Variants in PDE7A observed in about 807,000 individuals in gnomAD.
PDE7A encodes the protein phosphodiesterase 7A, also known as high affinity 3',5'-cyclic-AMP phosphodiesterase 7A.
A neutral mutation model predicts 64.3 loss-of-function variants in PDE7A; 39 were observed. That is an observed-to-expected ratio of 0.61 (90% confidence interval 0.47 to 0.79). The LOEUF (loss-of-function observed/expected upper bound fraction) is 0.79, where lower values mean the gene tolerates loss of function less well. Among genes scored for constraint, PDE7A ranks in the 30% least tolerant of loss-of-function variants. The pLI, the probability that PDE7A is intolerant of heterozygous loss-of-function variation, is 0.00. For missense variants in PDE7A, 470 were observed against 582.8 expected, an observed-to-expected ratio of 0.81 and a Z score of 1.99; for synonymous variants, 203 against 206.8, an observed-to-expected ratio of 0.98 and a Z score of 0.16.
chr8:65,739,514 G>A lies in PDE7A; in HGVS notation c.583C>T (p.Arg195Cys), dbSNP rs372478977. The A allele has an allele frequency of 4.5e-6, 7 of 1,559,764 alleles. No individual in the cohort carries two copies. Among genetic ancestry groups the A allele is most frequent in the South Asian group, 3.8e-5 (3 of 79,682 alleles). The change falls in exon 6 of 13, where the codon CGT (arginine) becomes TGT (cysteine). Residue 195 changes from arginine to cysteine, a missense_variant. Coordinates refer to ENST00000401827, the MANE Select transcript of PDE7A (RefSeq NM_001242318.3). ...EYFHLDMMKL[R>C]RFLVMIQEDY... ...TAGAATCACTTACCTAAAAATCTAC[G>A]AAGTTTCATCATATCTAAATGGAAG...
chr8:65,817,226 T>G (rs1023605519), intron 1 of PDE7A, among the ~76,000 whole-genome samples: 1 of 152,196 alleles, frequency 6.6e-6, no homozygotes, highest in East Asian at 1.9e-4. Flanking sequence ...TGTTCCTATA[T>G]ATGCCTCCCT....
Position 65,715,922 on chromosome 8 carries a change from G to T in PDE7A, c.*3368C>A, listed in dbSNP as rs1250363858. On this transcript the variant is annotated 3_prime_UTR_variant, in exon 13 of 13. Coordinates refer to ENST00000401827, the MANE Select transcript of PDE7A (RefSeq NM_001242318.3). ...AGAATGAGGAGAATGGCGTGAACCCGGGAGGCGGAACTTGCAGTGAGCCAA... is the reference window on the plus strand; with the variant it reads ...AGAATGAGGAGAATGGCGTGAACCCTGGAGGCGGAACTTGCAGTGAGCCAA... 1.4e-5 allele frequency among the ~76,000 whole-genome samples: 2 copies of T among 146,906 alleles called. No homozygotes were observed. The highest frequency in any genetic ancestry group is 5.0e-5 in the African/African-American group (2 of 40,218).
At chr8:65,760,991 C>T (rs938344908) in intron 3 of PDE7A, among the ~76,000 whole-genome samples, 5 of 151,948 alleles carry the variant, frequency 3.3e-5, no homozygotes, top group East Asian at 3.9e-4. Context: ...TACTTTCATC[C>T]GAACAATTAC....
intron 7 of PDE7A, among the ~76,000 whole-genome samples, chr8:65,729,611 T>G (rs1451450344): frequency 6.6e-6 from 1 of 152,146 alleles, no homozygotes; most frequent in Non-Finnish European, 1.5e-5. Context: ...ATGCCCAGCC[T>G]GGAGTGCAGT....
intron 1 of PDE7A, among the ~76,000 whole-genome samples, chr8:65,829,248 A>G (rs1418566036): frequency 6.6e-6 from 1 of 152,156 alleles, no homozygotes; most frequent in African/African-American, 2.4e-5. Flanking sequence ...GGCAAGTAAG[A>G]TATGTCTTTC....
chr8:65,747,283 G>T (rs1394087337), intron 4 of PDE7A, among the ~76,000 whole-genome samples: 2 of 152,168 alleles, frequency 1.3e-5, no homozygotes, highest in Admixed American at 6.5e-5. Context: ...AGTCCCTCGT[G>T]CTCTCTTGGA....
At position 65,723,664 on chromosome 8, in the gene PDE7A, A is replaced by G. The variant is rs554780207; in HGVS notation, c.1163-43T>C. On this transcript the variant is annotated intron_variant, in intron 11 of 12. Coordinates refer to ENST00000401827, the MANE Select transcript of PDE7A (RefSeq NM_001242318.3). Reference sequence around the variant, plus strand: ...AGAAGTATTAATATGAAGAATATCTATTGGTTAAATATATAATTAAAGGCT... The same window carrying G: ...AGAAGTATTAATATGAAGAATATCTGTTGGTTAAATATATAATTAAAGGCT... 8.9e-6 allele frequency: 12 copies of G among 1,341,464 alleles called. No homozygotes were observed. The South Asian group carries it at 1.0e-4, about 12-fold the overall frequency. The allele number at this position is 1,341,464 out of a possible 1,614,324, so 83.1% of individuals were successfully genotyped here.
Position 65,745,391 on chromosome 8 carries a change from C to A in PDE7A, c.499+16G>T. On this transcript the variant is annotated intron_variant, in intron 5 of 12. Transcript: ENST00000401827. ...CTAGACTACATTAACTTGAGCAAGT[C>A]AAATTCTTCACTTACCATTTGTTAG... 6.9e-7 allele frequency: 1 copy of A among 1,452,230 alleles called. No homozygotes were observed. The highest frequency in any genetic ancestry group is 1.1e-5 in the South Asian group (1 of 87,632). 90.0% of individuals were successfully genotyped at this position (1,452,230 alleles called of 1,614,324 possible).
chr8:65,823,488 A>G (rs1463548135), intron 1 of PDE7A, among the ~76,000 whole-genome samples: 3 of 152,142 alleles, frequency 2.0e-5, no homozygotes, highest in South Asian at 4.1e-4. Context: ...CTTATTTTCT[A>G]TTTTTCTTAC....
intron 3 of PDE7A, among the ~76,000 whole-genome samples, chr8:65,756,223 A>G (rs1293678955): frequency 6.6e-6 from 1 of 152,190 alleles, no homozygotes; most frequent in Admixed American, 6.5e-5. Flanking sequence ...CAATTTGACT[A>G]TAGTGTGTCT....
At chr8:65,728,225 TTAAG>T (rs1404463052) in intron 7 of PDE7A, 33 of 152,366 alleles carry the variant, frequency 2.2e-4, no homozygotes, top group African/African-American at 7.7e-4. Flanking sequence ...ACCACTTATA[TTAAG>T]TATATGTACT....
chr8:65,743,974 A>G (rs1807555401), intron 5 of PDE7A, among the ~76,000 whole-genome samples: 1 of 152,140 alleles, frequency 6.6e-6, no homozygotes, highest in Non-Finnish European at 1.5e-5. Flanking sequence ...CTAGGATTAG[A>G]GACATGAACC....
At chr8:65,785,251 AG>A (rs1809519402) in intron 1 of PDE7A, among the ~76,000 whole-genome samples, 1 of 152,212 alleles carries the variant, frequency 6.6e-6, no homozygotes, top group Admixed American at 6.5e-5. Context: ...TGAGGGATAC[AG>A]AGGTAGGAGA....
At chr8:65,838,301 T>C (rs1356245515) in intron 1 of PDE7A, among the ~76,000 whole-genome samples, 4 of 152,224 alleles carry the variant, frequency 2.6e-5, no homozygotes, top group Non-Finnish European at 4.4e-5. Flanking sequence ...TTTCCAAATA[T>C]GAATGCTATT....
intron 1 of PDE7A, among the ~76,000 whole-genome samples, chr8:65,794,879 T>C (rs1809797308): frequency 6.6e-6 from 1 of 152,164 alleles, no homozygotes. Flanking sequence ...GTACCAAGTA[T>C]GACAATTAAC....
At chr8:65,815,379 A>T (rs973753060) in intron 1 of PDE7A, among the ~76,000 whole-genome samples, 1 of 152,130 alleles carries the variant, frequency 6.6e-6, no homozygotes, top group Non-Finnish European at 1.5e-5. Flanking sequence ...CAGACAGAAA[A>T]CCTTTGTTTA....
At chr8:65,831,300 C>A (rs1224571324) in intron 1 of PDE7A, among the ~76,000 whole-genome samples, 1 of 152,152 alleles carries the variant, frequency 6.6e-6, no homozygotes, top group African/African-American at 2.4e-5. Flanking sequence ...CCCCCCTCTA[C>A]AAATGCACAC....
intron 1 of PDE7A, among the ~76,000 whole-genome samples, chr8:65,821,945 G>C (rs947958321): frequency 8.5e-5 from 13 of 152,124 alleles, no homozygotes; most frequent in African/African-American, 3.1e-4. Context: ...GGACACCAAT[G>C]GTGTCATAAC....
chr8:65,741,151 T>C (rs1807413790), intron 5 of PDE7A, among the ~76,000 whole-genome samples: 1 of 152,234 alleles, frequency 6.6e-6, no homozygotes, highest in Admixed American at 6.5e-5. Flanking sequence ...ATAGGACACA[T>C]ATACTATATT....
Sources: allele counts gnomAD v4.1 joint callset (sites outside exome capture counted in the v4.1 genomes callset), GRCh38; gene constraint gnomAD v4.1.1; transcripts MANE v1.5; gene names NCBI Gene and HGNC (gene_info 2026-07-23, HGNC 2026-07-21).